Variants in HS6ST3 observed in about 807,000 individuals in gnomAD.
HS6ST3 encodes the protein heparan-sulfate 6-O-sulfotransferase 3.
In HS6ST3, 12 loss-of-function variants were observed where a neutral mutation model predicts 36.7. The ratio of observed to expected loss-of-function variants is 0.33; its 90% CI spans 0.21 to 0.53. The LOEUF (loss-of-function observed/expected upper bound fraction) is 0.53, where lower values mean the gene tolerates loss of function less well. Ranked by LOEUF, HS6ST3 falls within the 20% of genes least tolerant of loss-of-function variation. The pLI is 0.95. For missense variants in HS6ST3, 584 were observed against 640.9 expected, an observed-to-expected ratio of 0.91 and a Z score of 0.96; for synonymous variants, 240 against 257.5, an observed-to-expected ratio of 0.93 and a Z score of 0.65.
At chr13:96,462,891 T>C (rs2055791993) in intron 1 of HS6ST3, among the ~76,000 whole-genome samples, 1 of 152,180 alleles carries the variant, frequency 6.6e-6, no homozygotes, top group Non-Finnish European at 1.5e-5. Flanking sequence ...AAGAAATAAA[T>C]CTAACAAGAG....
intron 1 of HS6ST3, among the ~76,000 whole-genome samples, chr13:96,738,907 C>G (rs1876358655): frequency 6.6e-6 from 1 of 152,136 alleles, no homozygotes. Flanking sequence ...TTTAACTTCT[C>G]TAGTTTCTCC....
At chr13:96,304,700 TTTC>T (rs1348103816) in intron 1 of HS6ST3, among the ~76,000 whole-genome samples, 2 of 98,926 alleles carry the variant, frequency 2.0e-5, no homozygotes, top group East Asian at 2.7e-4. Flanking sequence ...TCTTTCTTTC[TTTC>T]TTTCTTTCTT....
At chr13:96,412,150 A>G (rs565828692) in intron 1 of HS6ST3, among the ~76,000 whole-genome samples, 1 of 152,104 alleles carries the variant, frequency 6.6e-6, no homozygotes, top group South Asian at 2.1e-4. Context: ...GACTACAGGC[A>G]CGCACCACCA....
At chr13:96,666,398 T>C (rs553476573) in intron 1 of HS6ST3, among the ~76,000 whole-genome samples, 2 of 152,312 alleles carry the variant, frequency 1.3e-5, no homozygotes, top group Non-Finnish European at 2.9e-5. Context: ...ATCCCTTTAT[T>C]ATTCTCTTCC....
chr13:96,404,893 A>C (rs899717093), intron 1 of HS6ST3, among the ~76,000 whole-genome samples: 3 of 152,150 alleles, frequency 2.0e-5, no homozygotes, highest in African/African-American at 7.2e-5. Context: ...GAGGTGATTG[A>C]ATTATGGGGG....
intron 1 of HS6ST3, among the ~76,000 whole-genome samples, chr13:96,177,215 A>C (rs1484543135): frequency 5.9e-5 from 9 of 152,206 alleles, no homozygotes; most frequent in Admixed American, 5.2e-4. Context: ...CAGTATGGCG[A>C]TTCCTCAAAG....
chr13:96,730,623 A>G (rs1337411776), intron 1 of HS6ST3, among the ~76,000 whole-genome samples: 1 of 152,186 alleles, frequency 6.6e-6, no homozygotes, highest in Non-Finnish European at 1.5e-5. Flanking sequence ...GCTGGAGTAC[A>G]GTGGCACGAT....
chr13:96,547,421 C>T (rs529951643), intron 1 of HS6ST3, among the ~76,000 whole-genome samples: 1 of 152,224 alleles, frequency 6.6e-6, no homozygotes, highest in East Asian at 1.9e-4. Flanking sequence ...GAGAATAGCC[C>T]TACCATCAAT....
intron 1 of HS6ST3, among the ~76,000 whole-genome samples, chr13:96,620,840 A>AT (rs543753553): frequency 2.6e-5 from 4 of 151,890 alleles, no homozygotes; most frequent in Non-Finnish European, 4.4e-5. Flanking sequence ...TCAGCAATTA[A>AT]TTTTTTTTTA....
At position 96,799,984 on chromosome 13, in the gene HS6ST3, A is replaced by ATATATATATATATG. The variant is rs1566456850; in HGVS notation, c.708-32492_708-32479dup. On this transcript the variant is annotated intron_variant, in intron 1 of 1. Coordinates refer to ENST00000376705, the MANE Select transcript of HS6ST3 (RefSeq NM_153456.4). ...TATATGTGTATATATATATATATGT[A>ATATATATATATATG]TATATATATATATGTATATATATAT... Among the ~76,000 whole-genome samples, 38 of 92,424 alleles carry ATATATATATATATG rather than the reference A, an allele frequency of 4.1e-4. 1 individual carries two copies. Among genetic ancestry groups the ATATATATATATATG allele is most frequent in the East Asian group, 1.8e-3 (5 of 2,724 alleles). 60.6% of individuals were successfully genotyped at this position (92,424 alleles called of 152,430 possible). A position where few individuals can be genotyped will look rare whatever the true frequency, so the allele number is the denominator to read the frequency against.
intron 1 of HS6ST3, among the ~76,000 whole-genome samples, chr13:96,270,796 C>T (rs1171142581): frequency 1.3e-5 from 2 of 151,882 alleles, no homozygotes; most frequent in African/African-American, 4.9e-5. Flanking sequence ...ATGTCATACC[C>T]TCTCTCTTTG....
intron 1 of HS6ST3, among the ~76,000 whole-genome samples, chr13:96,538,626 T>C (rs1452286021): frequency 6.6e-6 from 1 of 152,090 alleles, no homozygotes; most frequent in African/African-American, 2.4e-5. Context: ...GAATTTTTGG[T>C]AGAGATGGGG....
intron 1 of HS6ST3, among the ~76,000 whole-genome samples, chr13:96,128,647 T>C (rs1285937989): frequency 6.6e-6 from 1 of 152,194 alleles, no homozygotes; most frequent in East Asian, 1.9e-4. Context: ...GCAGTCTCTC[T>C]GCATCTCCTG....
rs140778697 is a variant in HS6ST3 at position 96,289,938 on chromosome 13, A to C, written c.707+198369A>C. On this transcript the variant is annotated intron_variant, in intron 1 of 1. Coordinates refer to ENST00000376705, the MANE Select transcript of HS6ST3 (RefSeq NM_153456.4). The stretch of plus-strand genomic sequence containing the variant: ...ACTGCTTCCCAAAAAGACATATAAG[A>C]TGCAGCAAGTCACTTGGCTGGCATA... Among the ~76,000 whole-genome samples the C allele has an allele frequency of 1.6e-3, 251 of 152,204 alleles. 3 individuals are homozygous for C. The highest frequency in any genetic ancestry group is 5.8e-3 in the African/African-American group (242 of 41,524).
intron 1 of HS6ST3, among the ~76,000 whole-genome samples, chr13:96,216,372 C>T (rs143191770): frequency 3.3e-5 from 5 of 152,234 alleles, no homozygotes; most frequent in African/African-American, 4.8e-5. Context: ...TTCACTGAGC[C>T]GTTGCCTCAA....
At chr13:96,093,897 C>A (rs2053777245) in intron 1 of HS6ST3, among the ~76,000 whole-genome samples, 1 of 152,072 alleles carries the variant, frequency 6.6e-6, no homozygotes, top group South Asian at 2.1e-4. Flanking sequence ...TGCAAAATGG[C>A]AGATAATCTA....
At chr13:96,388,929 A>T (rs186646578) in intron 1 of HS6ST3, among the ~76,000 whole-genome samples, 1 of 152,266 alleles carries the variant, frequency 6.6e-6, no homozygotes, top group Non-Finnish European at 1.5e-5. Context: ...CTTTCCTTTA[A>T]GTTACCCAGT....
intron 1 of HS6ST3, among the ~76,000 whole-genome samples, chr13:96,481,877 C>G (rs2055891815): frequency 6.6e-6 from 1 of 152,136 alleles, no homozygotes; most frequent in African/African-American, 2.4e-5. Flanking sequence ...AATTCTCCTT[C>G]TCTGGCCAGG....
At chr13:96,703,747 G>A (rs1333986319) in intron 1 of HS6ST3, among the ~76,000 whole-genome samples, 2 of 152,164 alleles carry the variant, frequency 1.3e-5, no homozygotes, top group Non-Finnish European at 2.9e-5. Flanking sequence ...AGTCTGACAT[G>A]GTTTGGCTCT....
Sources: allele counts gnomAD v4.1 joint callset (sites outside exome capture counted in the v4.1 genomes callset), GRCh38; gene constraint gnomAD v4.1.1; transcripts MANE v1.5; gene names NCBI Gene and HGNC (gene_info 2026-07-23, HGNC 2026-07-21).